The following SULF2 variants were observed in gnomAD, a reference collection of about 807,000 sequenced individuals.
SULF2 encodes sulfatase 2.
In SULF2, 52 loss-of-function variants were observed where a neutral mutation model predicts 107.7. The ratio of observed to expected loss-of-function variants is 0.48; its 90% confidence interval spans 0.39 to 0.61. SULF2 has a LOEUF of 0.61. Ranked by LOEUF, SULF2 falls within the 20% of genes least tolerant of loss-of-function variation. The probability of loss-of-function intolerance (pLI) is 0.00; values close to 1 mark genes in which losing one functional copy is unlikely to be tolerated. For synonymous variants in SULF2, 460 were observed against 464.3 expected, an observed-to-expected ratio of 0.99 and a Z score of 0.12; for missense variants, 993 against 1,177.3, an observed-to-expected ratio of 0.84 and a Z score of 2.29.
intron 2 of SULF2, among the ~76,000 whole-genome samples, chr20:47,751,097 C>G (rs1245988688): frequency 2.0e-5 from 3 of 152,194 alleles, no homozygotes; most frequent in Non-Finnish European, 4.4e-5. Flanking sequence ...AATGTAAGCT[C>G]TGTTTAGTTT....
At chr20:47,695,224 A>T (rs2088335300) in intron 4 of SULF2, among the ~76,000 whole-genome samples, 1 of 152,180 alleles carries the variant, frequency 6.6e-6, no homozygotes. Flanking sequence ...TTATGTATGG[A>T]TGCAGTTTTA....
rs368884714 is a variant in SULF2 at position 47,666,060 on chromosome 20, C to T, written c.1806-107G>A. 65 of 1,593,270 alleles carry T rather than the reference C, an allele frequency of 4.1e-5. No homozygotes were observed. In the East Asian group the frequency reaches 1.1e-3, roughly 27 times the overall value. ...TTGCCGAGGTCTGTCCTGTCCCCTTCACCCTCGACTTCCACCTGGACACTC... is the reference window on the plus strand; with the variant it reads ...TTGCCGAGGTCTGTCCTGTCCCCTTTACCCTCGACTTCCACCTGGACACTC... On this transcript the variant is annotated intron_variant, in intron 12 of 20. Transcript: ENST00000688720. This position sits in a 1 kb window ranked among gnomAD's most constrained non-coding sequence, Gnocchi z 5.4.
chr20:47,719,004 T>G (rs1401088907), intron 3 of SULF2, among the ~76,000 whole-genome samples: 1 of 152,248 alleles, frequency 6.6e-6, no homozygotes, highest in African/African-American at 2.4e-5. Flanking sequence ...AAGTATGTAT[T>G]TGTTTATTTT....
chr20:47,715,208 G>A (rs2089076922), intron 3 of SULF2, among the ~76,000 whole-genome samples: 1 of 151,410 alleles, frequency 6.6e-6, no homozygotes, highest in Admixed American at 6.6e-5. Flanking sequence ...TGGGATTACA[G>A]GTGTGAGTCA....
At chr20:47,683,254 T>G (rs988122371) in intron 6 of SULF2, 85 bp from the exon 7 acceptor site, 11 of 1,357,306 alleles carry the variant, frequency 8.1e-6, no homozygotes, top group Admixed American at 4.6e-5. Context: ...GCTTGAGATC[T>G]CAGGCCCCGT....
chr20:47,670,176 T>C (rs1365896075), intron 11 of SULF2, among the ~76,000 whole-genome samples: 3 of 152,124 alleles, frequency 2.0e-5, no homozygotes, highest in African/African-American at 7.2e-5. Flanking sequence ...TACAATATCA[T>C]CCGTCTTATA....
rs569189547 is a variant in SULF2 at position 47,768,170 on chromosome 20, C to T, written c.-100-10707G>A. ...CCAATGTGAGGACCAGGGAAGACAGCGACGCCACTTTGTCTTGAGTGGGGT... is the reference window on the plus strand; with the variant it reads ...CCAATGTGAGGACCAGGGAAGACAGTGACGCCACTTTGTCTTGAGTGGGGT... On this transcript the variant is annotated intron_variant, in intron 1 of 20. Coordinates refer to ENST00000688720, the MANE Select transcript of SULF2 (RefSeq NM_001387048.1). 8.5e-5 allele frequency among the ~76,000 whole-genome samples: 13 copies of T among 152,292 alleles called. 1 individual carries two copies. Among genetic ancestry groups the T allele is most frequent in the South Asian group, 6.2e-4 (3 of 4,820 alleles).
At chr20:47,732,869 C>CA (rs2089646219) in intron 3 of SULF2, among the ~76,000 whole-genome samples, 1 of 151,914 alleles carries the variant, frequency 6.6e-6, no homozygotes, top group Admixed American at 6.6e-5. Flanking sequence ...ACAAAGAAAA[C>CA]AAAAAACCTG....
Position 47,658,368 on chromosome 20 carries a change from T to C in SULF2, c.2607A>G (p.Glu869=). The C allele has an allele frequency of 3.1e-6, 5 of 1,614,200 alleles. No homozygotes were observed. Among genetic ancestry groups the C allele is most frequent in the Non-Finnish European group, 4.2e-6 (5 of 1,180,012 alleles). ...GGTCCACCTCTGTTGTTTCTTAACC[T>C]TCCCAGCCTTCCCACAGTTGTCCCC... The part of the protein sequence containing the change: ...KSLGQLWEGW[E]G The change falls in exon 21 of 21, where the codon GAA becomes GAG. Residue 869 remains glutamate (E), a synonymous_variant. Coordinates refer to ENST00000688720, the MANE Select transcript of SULF2 (RefSeq NM_001387048.1).
At chr20:47,676,938 G>T in intron 9 of SULF2, 140 bp downstream of exon 9, 1 of 872,078 alleles carries the variant, frequency 1.1e-6, no homozygotes, top group South Asian at 1.6e-5. Flanking sequence ...CAGTGAATGG[G>T]CTTTGTGTTT....
chr20:47,773,140 T>C (rs1175968693), intron 1 of SULF2, among the ~76,000 whole-genome samples: 3 of 152,210 alleles, frequency 2.0e-5, no homozygotes, highest in African/African-American at 7.2e-5. Context: ...TTCCAAGCTA[T>C]CCAATCTTTC....
At chr20:47,679,083 C>T (rs1310391350) in intron 7 of SULF2, among the ~76,000 whole-genome samples, 1 of 151,298 alleles carries the variant, frequency 6.6e-6, no homozygotes, top group Admixed American at 6.6e-5. Flanking sequence ...CCTGTCCCCA[C>T]TTCCTGAGTG....
intron 2 of SULF2, 51 bp from the exon 3 acceptor site, chr20:47,736,993 C>A: frequency 6.2e-7 from 1 of 1,608,044 alleles, no homozygotes; most frequent in Non-Finnish European, 8.5e-7. Context: ...CCGGGCGGCA[C>A]CGGCACCAGG....
chr20:47,682,866 C>G, intron 7 of SULF2, 128 bp downstream of exon 7: 2 of 922,974 alleles, frequency 2.2e-6, no homozygotes, highest in Non-Finnish European at 3.3e-6. Context: ...AATTGCTTTC[C>G]GCTGGCCCTG....
At chr20:47,728,453 G>A (rs2089506528) in intron 3 of SULF2, among the ~76,000 whole-genome samples, 1 of 152,066 alleles carries the variant, frequency 6.6e-6, no homozygotes, top group East Asian at 1.9e-4. Flanking sequence ...GGGTGGAGAG[G>A]AGAGAAACGG....
chr20:47,774,314 G>A (rs575475455), intron 1 of SULF2, among the ~76,000 whole-genome samples: 10 of 152,354 alleles, frequency 6.6e-5, no homozygotes, highest in Admixed American at 2.6e-4. Context: ...CCCCTGCTGC[G>A]GGGACTCACT....
intron 11 of SULF2, among the ~76,000 whole-genome samples, chr20:47,667,302 G>A (rs1462382006): frequency 6.6e-6 from 1 of 152,112 alleles, no homozygotes; most frequent in East Asian, 1.9e-4. Context: ...TGCCCACCAG[G>A]TGGTAGGCAG....
intron 1 of SULF2, among the ~76,000 whole-genome samples, chr20:47,764,697 A>G (rs1252371285): frequency 6.6e-6 from 1 of 152,182 alleles, no homozygotes; most frequent in Non-Finnish European, 1.5e-5. Context: ...AATGGGGTGG[A>G]CCAAGTTGCA....
intron 3 of SULF2, among the ~76,000 whole-genome samples, chr20:47,708,210 A>C (rs1463953124): frequency 6.6e-6 from 1 of 152,336 alleles, no homozygotes. Flanking sequence ...GAATGATAGG[A>C]CAGAGTGGCC....
Sources: allele counts gnomAD v4.1 joint callset (sites outside exome capture counted in the v4.1 genomes callset), GRCh38; gene constraint gnomAD v4.1.1; non-coding constraint Gnocchi (gnomAD v3.1); transcripts MANE v1.5; gene names NCBI Gene and HGNC (gene_info 2026-07-23, HGNC 2026-07-21).